Variants in LINGO2 observed in about 807,000 individuals in gnomAD.
LINGO2 encodes the protein leucine rich repeat and Ig domain containing 2, also known as leucine-rich repeat and immunoglobulin-like domain-containing nogo receptor-interacting protein 2.
A neutral mutation model predicts 30.6 loss-of-function variants in LINGO2; 14 were observed. That is an observed-to-expected ratio of 0.46 (90% CI 0.30 to 0.72). LINGO2 has a LOEUF of 0.72. Ranked by LOEUF, LINGO2 falls within the 30% of genes least tolerant of loss-of-function variation. The pLI is 0.07. For synonymous variants in LINGO2, 317 were observed against 288.5 expected (o/e 1.10, Z -1.00); for missense variants, 729 against 751.7 (o/e 0.97, Z 0.35).
chr9:28,132,213 T>G (rs1049376358), intron 4 of LINGO2, among the ~76,000 whole-genome samples: 1 of 152,226 alleles, frequency 6.6e-6, no homozygotes, highest in African/African-American at 2.4e-5. Flanking sequence ...ATGTTTCTAC[T>G]GACCCTGACT....
chr9:28,125,757 A>C (rs1446461084), intron 4 of LINGO2, among the ~76,000 whole-genome samples: 3 of 152,200 alleles, frequency 2.0e-5, no homozygotes, highest in African/African-American at 4.8e-5. Flanking sequence ...GAGCCCATGA[A>C]ACTAACTGGT....
chr9:28,340,265 T>C (rs1269708522), intron 3 of LINGO2, among the ~76,000 whole-genome samples: 5 of 152,156 alleles, frequency 3.3e-5, no homozygotes, highest in Non-Finnish European at 7.3e-5. Flanking sequence ...AAGATTATAT[T>C]AGATAGTTAC....
At chr9:28,438,929 TACA>T (rs1824072962) in intron 2 of LINGO2, among the ~76,000 whole-genome samples, 1 of 146,692 alleles carries the variant, frequency 6.8e-6, no homozygotes, top group African/African-American at 2.5e-5. Context: ...TATATATCTA[TACA>T]TTATATATAA....
chr9:29,200,433 CAAAG>C, the LINGO2 span, among the ~76,000 whole-genome samples: 34 of 151,786 alleles, frequency 2.2e-4, no homozygotes, highest in Non-Finnish European at 4.3e-4. Flanking sequence ...CAGAAAGTAT[CAAAG>C]AAGAAAATCG....
chr9:28,173,596 A>G (rs1439957334), intron 4 of LINGO2, among the ~76,000 whole-genome samples: 1 of 152,226 alleles, frequency 6.6e-6, no homozygotes, highest in Admixed American at 6.5e-5. Flanking sequence ...GGATAGGATC[A>G]TTGCCATTTG....
intron 5 of LINGO2, among the ~76,000 whole-genome samples, chr9:27,979,770 T>C (rs906509988): frequency 6.6e-6 from 1 of 151,984 alleles, no homozygotes; most frequent in African/African-American, 2.4e-5. Context: ...AGGAAAGACT[T>C]CTTATTACTA....
chr9:28,093,142 G>A (rs994090549), intron 4 of LINGO2, among the ~76,000 whole-genome samples: 5 of 151,986 alleles, frequency 3.3e-5, no homozygotes, highest in Admixed American at 2.6e-4. Context: ...ATGTTGCCAG[G>A]GTTCTGCTTT....
At chr9:28,299,914 C>T (rs1466443198) in intron 3 of LINGO2, among the ~76,000 whole-genome samples, 1 of 152,120 alleles carries the variant, frequency 6.6e-6, no homozygotes, top group Non-Finnish European at 1.5e-5. Context: ...ACACCACTTT[C>T]TTACCCAGCT....
chr9:29,017,207 T>C, the LINGO2 span, among the ~76,000 whole-genome samples: 1 of 151,996 alleles, frequency 6.6e-6, no homozygotes, highest in Admixed American at 6.6e-5. Flanking sequence ...TTGCCTTATA[T>C]ATAGTAAATA....
chr9:29,123,541 A>G, the LINGO2 span, among the ~76,000 whole-genome samples: 1 of 152,076 alleles, frequency 6.6e-6, no homozygotes, highest in Non-Finnish European at 1.5e-5. Flanking sequence ...AGTTAAAAAA[A>G]AAATCCTAGA....
chr9:29,043,262 G>T, the LINGO2 span, among the ~76,000 whole-genome samples: 3 of 151,918 alleles, frequency 2.0e-5, no homozygotes, highest in African/African-American at 7.2e-5. Context: ...TACAGAAAAA[G>T]TGCTGACATA....
At chr9:28,764,390 A>G in the LINGO2 span, among the ~76,000 whole-genome samples, 1 of 152,012 alleles carries the variant, frequency 6.6e-6, no homozygotes, top group Admixed American at 6.6e-5. Context: ...TTATCAGTAC[A>G]AAAGATTAAA....
chr9:28,180,953 T>C (rs1217127276), intron 4 of LINGO2, among the ~76,000 whole-genome samples: 1 of 152,220 alleles, frequency 6.6e-6, no homozygotes, highest in Admixed American at 6.6e-5. Flanking sequence ...TAGCCTTCTA[T>C]GTACTTTCAC....
At chr9:28,566,305 T>C (rs577177149) in intron 1 of LINGO2, among the ~76,000 whole-genome samples, 3 of 152,304 alleles carry the variant, frequency 2.0e-5, no homozygotes, top group South Asian at 4.1e-4. Flanking sequence ...TCAATGAATA[T>C]AGCTACACCT....
At chr9:28,406,506 C>A (rs544606541) in intron 2 of LINGO2, among the ~76,000 whole-genome samples, 131 of 152,260 alleles carry the variant, frequency 8.6e-4, no homozygotes, top group African/African-American at 3.0e-3. Context: ...TGACCATTTC[C>A]AGCCAGACAT....
chr9:28,804,803 A>T, the LINGO2 span, among the ~76,000 whole-genome samples: 33 of 152,096 alleles, frequency 2.2e-4, no homozygotes, highest in African/African-American at 8.0e-4. Flanking sequence ...CCAATCAGAG[A>T]TCATTTTTAC....
chr9:28,299,988 G>T (rs1461278252), intron 3 of LINGO2, among the ~76,000 whole-genome samples: 1 of 151,828 alleles, frequency 6.6e-6, no homozygotes, highest in Non-Finnish European at 1.5e-5. Context: ...TTTGTAAATG[G>T]TGTTTCTGGT....
At chr9:28,366,075 G>A (rs1820661514) in intron 3 of LINGO2, among the ~76,000 whole-genome samples, 1 of 152,216 alleles carries the variant, frequency 6.6e-6, no homozygotes, top group South Asian at 2.1e-4. Context: ...CCCTTTCTAA[G>A]TCTACTTTTC....
chr9:27,996,730 T>G (rs1425846564), intron 5 of LINGO2, among the ~76,000 whole-genome samples: 1 of 152,216 alleles, frequency 6.6e-6, no homozygotes, highest in East Asian at 1.9e-4. Flanking sequence ...TAATGTATTG[T>G]ATATTTCAAA....
Sources: allele counts gnomAD v4.1 joint callset (sites outside exome capture counted in the v4.1 genomes callset), GRCh38; gene constraint gnomAD v4.1.1; transcripts MANE v1.5; gene names NCBI Gene and HGNC (gene_info 2026-07-23, HGNC 2026-07-21).